The following ERAP1 variants were observed in gnomAD, a reference collection of about 807,000 sequenced individuals.
The protein encoded by ERAP1 is endoplasmic reticulum aminopeptidase 1, also known as adipocyte-derived leucine aminopeptidase.
A neutral mutation model predicts 103.7 loss-of-function variants in ERAP1; 86 were observed. The ratio of observed to expected loss-of-function variants is 0.83; its 90% CI spans 0.70 to 0.99. The LOEUF is 0.99. ERAP1 is among the 50% of genes least tolerant of loss of function. The pLI, the probability that ERAP1 is intolerant of heterozygous loss-of-function variation, is 0.00. For synonymous variants in ERAP1, 398 were observed against 402.4 expected, an observed-to-expected ratio of 0.99 and a Z score of 0.13; for missense variants, 1,009 against 1,128.4, an observed-to-expected ratio of 0.89 and a Z score of 1.52.
chr5:96,836,132 G>A, the ERAP1 span, among the ~76,000 whole-genome samples: 128 of 148,886 alleles, frequency 8.6e-4, 3 homozygotes, highest in South Asian at 0.022. Context: ...TTCAATGACC[G>A]GAAAACAAAT....
chr5:96,786,629 G>A (rs1386285039), intron 11 of ERAP1, 80 bp from the exon 12 acceptor site: 3 of 926,638 alleles, frequency 3.2e-6, no homozygotes, highest in East Asian at 5.0e-5. Context: ...CATGTGCCAG[G>A]CACTGGTTAG....
At chr5:96,858,858 G>A in the ERAP1 span, among the ~76,000 whole-genome samples, 1 of 152,184 alleles carries the variant, frequency 6.6e-6, no homozygotes, top group African/African-American at 2.4e-5. Flanking sequence ...GAGGAACAGT[G>A]TGGAACATCA....
Position 96,762,421 on chromosome 5 carries a change from A to G in ERAP1, c.*779T>C, listed in dbSNP as rs773217548. ...AGATAAATGTTTTTGCGCAGCCACA[A>G]CTAGAAAGAAAATAGGGCGCCTGTT... On this transcript the variant is annotated 3_prime_UTR_variant, in exon 20 of 20. Transcript: ENST00000296754. 2.9e-6 allele frequency: 4 copies of G among 1,363,158 alleles called. No homozygotes were observed. The South Asian group carries it at 5.5e-5, about 19-fold the overall frequency. 84.4% of individuals were successfully genotyped at this position (1,363,158 alleles called of 1,614,324 possible). A position where few individuals can be genotyped will look rare whatever the true frequency, so the allele number is the denominator to read the frequency against.
At chr5:96,914,663 T>C in the ERAP1 span, among the ~76,000 whole-genome samples, 2 of 152,242 alleles carry the variant, frequency 1.3e-5, no homozygotes, top group African/African-American at 4.8e-5. Context: ...AACTGTGCTC[T>C]GCTTTATCAA....
the ERAP1 span, chr5:96,822,954 A>T: frequency 2.3e-6 from 1 of 432,508 alleles, no homozygotes; most frequent in South Asian, 1.7e-5. Flanking sequence ...ATGACTGGAG[A>T]GGGATCCACT....
the ERAP1 span, among the ~76,000 whole-genome samples, chr5:96,933,726 G>T: frequency 6.6e-6 from 1 of 152,194 alleles, no homozygotes; most frequent in Admixed American, 6.5e-5. Flanking sequence ...TAAGTGGTTT[G>T]GTTGCAAAAG....
the ERAP1 span, among the ~76,000 whole-genome samples, chr5:96,897,476 T>A: frequency 6.6e-6 from 1 of 152,340 alleles, no homozygotes; most frequent in South Asian, 2.1e-4. Context: ...CACATAATAG[T>A]ACCCTCTTTT....
the ERAP1 span, among the ~76,000 whole-genome samples, chr5:96,927,556 G>A: frequency 6.7e-5 from 10 of 148,358 alleles, no homozygotes; most frequent in Non-Finnish European, 1.3e-4. Context: ...GCGCAATCTC[G>A]GCTCACTGCA....
chr5:96,874,528 G>T, the ERAP1 span, among the ~76,000 whole-genome samples: 5 of 152,138 alleles, frequency 3.3e-5, no homozygotes, highest in East Asian at 1.9e-4. Context: ...CTTCTTTGTC[G>T]TCTTTGTCCC....
upstream of ERAP1, among the ~76,000 whole-genome samples, chr5:96,811,954 TG>T (rs1209035571): frequency 1.3e-5 from 2 of 152,234 alleles, no homozygotes; most frequent in African/African-American, 4.8e-5. Context: ...CCCATCTAAC[TG>T]CTCTCTAGCC....
At chr5:96,891,489 G>A in the ERAP1 span, among the ~76,000 whole-genome samples, 1 of 94,562 alleles carries the variant, frequency 1.1e-5, no homozygotes, top group Non-Finnish European at 2.1e-5. Flanking sequence ...ATATATGTGT[G>A]TGTGTGTGTG....
At chr5:96,862,203 G>A in the ERAP1 span, among the ~76,000 whole-genome samples, 1 of 152,028 alleles carries the variant, frequency 6.6e-6, no homozygotes, top group East Asian at 1.9e-4. Flanking sequence ...TGTTGTCCAA[G>A]CTGGTCTCAA....
At chr5:96,834,448 G>A in the ERAP1 span, among the ~76,000 whole-genome samples, 1 of 152,142 alleles carries the variant, frequency 6.6e-6, no homozygotes, top group Non-Finnish European at 1.5e-5. Flanking sequence ...CATTTCTTCT[G>A]TGAGTTCAAC....
Position 96,795,065 on chromosome 5 carries a change from A to G in ERAP1, c.896T>C (p.Ile299Thr), listed in dbSNP as rs1268917693. ...LLEFYEDYFS[I>T]PYPLPKQDLA... ...ACCTTGTTTGGGTAGGGGATACGGT[A>G]TGCTGAAATAATCCTCATAAAATTC... is the stretch of plus-strand genomic sequence containing the variant. Residue 299 changes from isoleucine (I) to threonine (T), a missense_variant, in exon 5 of 19, where the codon ATA (isoleucine) becomes ACA (threonine). Transcript: ENST00000443439. 6.2e-7 allele frequency: 1 copy of G among 1,614,060 alleles called. No homozygotes were observed. The highest frequency in any genetic ancestry group is 8.5e-7 in the Non-Finnish European group (1 of 1,179,982).
chr5:96,763,106 T>C (rs768224621), exon 20 of ERAP1: 1 of 777,726 alleles, frequency 1.3e-6, no homozygotes, highest in Non-Finnish European at 2.4e-6. Context: ...TAGATGGAGA[T>C]GAAGTAACTT....
the ERAP1 span, among the ~76,000 whole-genome samples, chr5:96,898,903 T>TC: frequency 6.6e-6 from 1 of 152,128 alleles, no homozygotes. Flanking sequence ...CCTCTCCATT[T>TC]CCCTCTCCCT....
the ERAP1 span, among the ~76,000 whole-genome samples, chr5:96,852,485 G>T: frequency 1.3e-5 from 2 of 152,136 alleles, no homozygotes; most frequent in African/African-American, 4.8e-5. Context: ...GCCTAGGAAA[G>T]TACGTTCTTA....
At chr5:96,874,974 G>A in the ERAP1 span, among the ~76,000 whole-genome samples, 1 of 152,326 alleles carries the variant, frequency 6.6e-6, no homozygotes, top group African/African-American at 2.4e-5. Flanking sequence ...CTGGCATATA[G>A]GCTGCCAGTA....
chr5:96,794,476 C>A (rs1270626376), intron 5 of ERAP1, among the ~76,000 whole-genome samples: 1 of 152,138 alleles, frequency 6.6e-6, no homozygotes, highest in African/African-American at 2.4e-5. Context: ...AAGACATGAG[C>A]CACCGTGCCC....
Sources: gnomAD v4.1 joint callset for allele counts (sites outside exome capture counted in the v4.1 genomes callset) on GRCh38, gnomAD v4.1.1 for gene constraint, MANE v1.5 for transcripts, NCBI Gene and HGNC (gene_info 2026-07-23, HGNC 2026-07-21) for gene names.